The following LAMA1 variants were observed in gnomAD, a reference collection of about 807,000 sequenced individuals.
LAMA1 encodes laminin subunit alpha 1.
In LAMA1, 219 loss-of-function variants were observed where a neutral mutation model predicts 348.7. That is an observed-to-expected ratio of 0.63 (90% CI 0.56 to 0.70). The LOEUF (loss-of-function observed/expected upper bound fraction) is 0.70, where lower values mean the gene tolerates loss of function less well. Among genes scored for constraint, LAMA1 ranks in the 30% least tolerant of loss-of-function variants. LAMA1 has a pLI of 0.00. For missense variants in LAMA1, 3,744 were observed against 3,888.0 expected (o/e 0.96, Z 0.99); for synonymous variants, 1,487 against 1,491.0 (o/e 1.00, Z 0.06).
rs2057499785 is a variant in LAMA1, at chr18:6,941,817, C to T, written c.*262G>A. ...AAAACATAAAATACTATCAAGTAATCAACAGAACATTCAATGTGTATAAAG... is the reference window on the plus strand; with the variant it reads ...AAAACATAAAATACTATCAAGTAATTAACAGAACATTCAATGTGTATAAAG... On this transcript the variant is annotated 3_prime_UTR_variant, in exon 63 of 63. Transcript: ENST00000389658. The T allele has an allele frequency of 2.1e-6, 1 of 466,692 alleles. No individual in the cohort carries two copies. The highest frequency in any genetic ancestry group is 3.4e-5 in the Admixed American group (1 of 29,652). 28.9% of individuals were successfully genotyped at this position (466,692 alleles called of 1,614,324 possible). A position where few individuals can be genotyped will look rare whatever the true frequency, so the allele number is the denominator to read the frequency against.
At chr18:6,992,360 T>G (rs1417339620) in intron 36 of LAMA1, among the ~76,000 whole-genome samples, 4 of 152,226 alleles carry the variant, frequency 2.6e-5, no homozygotes, top group African/African-American at 9.6e-5. Context: ...TTACACTGAC[T>G]GCACAGATTA....
At position 6,943,378 on chromosome 18, in the gene LAMA1, CACCAT is replaced by C. The variant is rs1344719184; in HGVS notation, c.8864_8868del (p.Asn2955SerfsTer9). ...TCATATGCAGCTGTTATCCTGCCAG[CACCAT>C]TGTTGACATGGAACAAGACCTAAAA... On this transcript the variant is annotated frameshift_variant, in exon 62 of 63. Coordinates refer to ENST00000389658, the MANE Select transcript of LAMA1 (RefSeq NM_005559.4). LOFTEE classifies it high-confidence loss of function. 1 of 1,614,020 alleles carries C rather than the reference CACCAT, an allele frequency of 6.2e-7. No individual in the cohort carries two copies.
intron 46 of LAMA1, among the ~76,000 whole-genome samples, chr18:6,973,774 C>T (rs2057669141): frequency 6.6e-6 from 1 of 152,098 alleles, no homozygotes; most frequent in Non-Finnish European, 1.5e-5. Context: ...CTAAAAGTAA[C>T]ATTCTTTACT....
At chr18:7,096,419 A>G (rs911070388) in intron 1 of LAMA1, among the ~76,000 whole-genome samples, 2 of 152,184 alleles carry the variant, frequency 1.3e-5, no homozygotes, top group Non-Finnish European at 2.9e-5. Context: ...GCTCACACCT[A>G]TAATCCCAGC....
chr18:6,956,408 G>A (rs898414602), intron 56 of LAMA1: 9 of 698,436 alleles, frequency 1.3e-5, no homozygotes, highest in Admixed American at 2.0e-5. Context: ...CCCAATGCGC[G>A]GCCTGGGTGT....
At chr18:6,952,194 G>A (rs2057549901) in intron 57 of LAMA1, among the ~76,000 whole-genome samples, 1 of 152,176 alleles carries the variant, frequency 6.6e-6, no homozygotes, top group African/African-American at 2.4e-5. Context: ...GGAGACTGAG[G>A]AAGGCGGGCC....
At chr18:7,023,415 T>TG in intron 18 of LAMA1, 40 bp from the exon 19 acceptor site, 1 of 1,547,690 alleles carries the variant, frequency 6.5e-7, no homozygotes, top group Non-Finnish European at 8.9e-7. Flanking sequence ...CAAATGCAGT[T>TG]ACTTAAGGCC....
At position 7,023,343 on chromosome 18, in the gene LAMA1, A is replaced by G; in HGVS notation, c.2522T>C (p.Val841Ala). The change falls in exon 19 of 63, where the codon GTG becomes GCG. Residue 841 changes from valine (V) to alanine (A), a missense_variant. Transcript: ENST00000389658. ...CADGYYGNPTVPGESCVPCDC... is the reference protein window; with the variant it reads ...CADGYYGNPTAPGESCVPCDC... Reference sequence around the variant, plus strand: ...ACAGGGAACACAAGATTCGCCAGGCACTGTTGGGTTTCCATAGTAACCATC... The same window carrying G: ...ACAGGGAACACAAGATTCGCCAGGCGCTGTTGGGTTTCCATAGTAACCATC... 2 of 1,614,174 alleles carry G rather than the reference A, an allele frequency of 1.2e-6. No individual in the cohort carries two copies. The highest frequency in any genetic ancestry group is 1.7e-6 in the Non-Finnish European group (2 of 1,180,026).
In LAMA1 at chr18:6,983,183, A is replaced by T; in HGVS notation, c.5712T>A (p.Tyr1904Ter). 6.2e-7 allele frequency: 1 copy of T among 1,614,180 alleles called. No homozygotes were observed. Among genetic ancestry groups the T allele is most frequent in the Non-Finnish European group, 8.5e-7 (1 of 1,180,024 alleles). ...TCAGGCTCTGGATGTTGTAATGGAC[A>T]TAGGCTGCACTGGTGGCATTCAGGG... Reference protein sequence around the residue: ...NVSLNATSAAYVHYNIQSLIE... With the variant: ...NVSLNATSAA The change falls in exon 40 of 63, where the codon TAT (tyrosine) becomes TAA (stop). Residue 1904 changes from tyrosine (Y) to a stop codon, truncating the protein, a stop_gained. Coordinates refer to ENST00000389658, the MANE Select transcript of LAMA1 (RefSeq NM_005559.4). LOFTEE classifies it high-confidence loss of function.
At chr18:7,056,079 A>G (rs796495618) in intron 3 of LAMA1, among the ~76,000 whole-genome samples, 23 of 140,914 alleles carry the variant, frequency 1.6e-4, no homozygotes, top group African/African-American at 4.6e-4. Flanking sequence ...GACTGTCTCC[A>G]AAAAAAAAAA....
chr18:7,023,245 G>C lies in LAMA1; in HGVS notation c.2620C>G (p.Leu874Val). The change falls in exon 19 of 63, where the codon CTG (leucine) becomes GTG (valine). Residue 874 changes from leucine to valine, a missense_variant. Around this residue, in one of 3 missense-constraint regions of LAMA1, gnomAD observed 1,529 missense variants for 1,689.4 expected, o/e 0.91. Transcript: ENST00000389658. ...CAGTGGGCGCCATCTGTGTTCCCCA[G>C]GCACTTCAGGCACTCCCCGGTGACT... ...DSVTGECLKC[L>V]GNTDGAHCER... is the part of the protein sequence containing the mutation. 1 of 1,614,002 alleles carries C rather than the reference G, an allele frequency of 6.2e-7. No homozygotes were observed. Among genetic ancestry groups the C allele is most frequent in the Non-Finnish European group, 8.5e-7 (1 of 1,180,006 alleles).
intron 34 of LAMA1, 51 bp from the exon 35 acceptor site, chr18:6,993,803 G>A: frequency 3.9e-6 from 4 of 1,018,516 alleles, no homozygotes; most frequent in Non-Finnish European, 6.3e-6. Context: ...TAATTAGTTT[G>A]ACTTTAAATA....
At chr18:7,009,926 C>G (rs2057851873) in intron 26 of LAMA1, among the ~76,000 whole-genome samples, 1 of 152,102 alleles carries the variant, frequency 6.6e-6, no homozygotes, top group African/African-American at 2.4e-5. Context: ...CCTGCCTCAG[C>G]CTCCCAAGTA....
chr18:7,043,259 T>C lies in LAMA1; in HGVS notation c.1123A>G (p.Thr375Ala). ...GGTCTATAATATCCATCAATACAGGTTTCACAGTTGATTCCCATGGTGTTC... is the reference window on the plus strand; with the variant it reads ...GGTCTATAATATCCATCAATACAGGCTTCACAGTTGATTCCCATGGTGTTC... Reference protein sequence around the residue: ...LQNTMGINCETCIDGYYRPHK... With the variant: ...LQNTMGINCEACIDGYYRPHK... The change falls in exon 8 of 63, where the codon ACC becomes GCC. Residue 375 changes from threonine (T) to alanine (A), a missense_variant. By Grantham distance (58) the Thr-to-Ala change is moderately conservative (BLOSUM62 0). Transcript: ENST00000389658. The C allele has an allele frequency of 6.2e-7, 1 of 1,614,098 alleles. No individual in the cohort carries two copies. Among genetic ancestry groups the C allele is most frequent in the Non-Finnish European group, 8.5e-7 (1 of 1,180,008 alleles).
Position 6,956,646 on chromosome 18 carries a change from C to T in LAMA1, c.8084G>A (p.Arg2695Gln), listed in dbSNP as rs558634642. The stretch of plus-strand genomic sequence containing the variant: ...GGAAGCCGCTCCTACTGGAAAAGCC[C>T]GGGGCTCTGGCAAGAGCTTGCTGTC... ...AEDSKLLPEP[R>Q]AFPEQCVVDA... Residue 2695 changes from arginine (R) to glutamine (Q), a missense_variant, in exon 56 of 63, where the codon CGG (arginine) becomes CAG (glutamine). Arg to Gln is a conservative substitution (Grantham distance 43). Around this residue, in one of 3 missense-constraint regions of LAMA1, gnomAD observed 1,983 missense variants for 1,934.3 expected, o/e 1.03. Transcript: ENST00000389658. 30 of 1,614,088 alleles carry T rather than the reference C, an allele frequency of 1.9e-5. No homozygotes were observed. Among genetic ancestry groups the T allele is most frequent in the East Asian group, 4.5e-5 (2 of 44,866 alleles).
At position 6,959,610 on chromosome 18, in the gene LAMA1, T is replaced by C. The variant is rs187667419; in HGVS notation, c.7627-118A>G. 1.6e-4 allele frequency: 157 copies of C among 1,008,006 alleles called. 1 individual carries two copies. The East Asian group carries it at 3.9e-3, about 25-fold the overall frequency. The allele number at this position is 1,008,006 out of a possible 1,614,324, so 62.4% of individuals were successfully genotyped here. The stretch of plus-strand genomic sequence containing the variant: ...ACATCAAGTGAGTAGAGCAATTCCT[T>C]AAGAATCTCTTCAGCTGTCACAATG... On this transcript the variant is annotated intron_variant, in intron 53 of 62. Coordinates refer to ENST00000389658, the MANE Select transcript of LAMA1 (RefSeq NM_005559.4).
At chr18:7,009,738 A>G (rs1568029232) in intron 26 of LAMA1, among the ~76,000 whole-genome samples, 1 of 152,180 alleles carries the variant, frequency 6.6e-6, no homozygotes, top group South Asian at 2.1e-4. Context: ...AAATTGACAT[A>G]AAACTAATAT....
intron 1 of LAMA1, among the ~76,000 whole-genome samples, chr18:7,112,278 A>C (rs1333951413): frequency 6.6e-6 from 1 of 152,192 alleles, no homozygotes; most frequent in Non-Finnish European, 1.5e-5. Context: ...TACATTTACT[A>C]AATGATGTGT....
At chr18:7,047,324 G>T (rs905973926) in intron 5 of LAMA1, among the ~76,000 whole-genome samples, 4 of 152,136 alleles carry the variant, frequency 2.6e-5, no homozygotes, top group African/African-American at 9.7e-5. Flanking sequence ...ATTACAGCAT[G>T]AGCCACTGTG....
Sources: gnomAD v4.1 joint callset for allele counts (sites outside exome capture counted in the v4.1 genomes callset) on GRCh38, gnomAD v4.1.1 for gene constraint, gnomAD v4.1.1 regional missense constraint, MANE v1.5 for transcripts, NCBI Gene and HGNC (gene_info 2026-07-23, HGNC 2026-07-21) for gene names.